The following LRRC4C variants were observed in gnomAD, a reference collection of about 807,000 sequenced individuals.
The protein encoded by LRRC4C is leucine-rich repeat-containing protein 4C.
Under a neutral mutation model 33.6 loss-of-function variants are expected in LRRC4C, and 5 were observed. The ratio of observed to expected loss-of-function variants is 0.15; its 90% CI spans 0.08 to 0.31. The LOEUF (loss-of-function observed/expected upper bound fraction) is 0.31. LRRC4C is among the 10% of genes least tolerant of loss of function. The pLI, the probability that LRRC4C is intolerant of heterozygous loss-of-function variation, is 1.00. For missense variants in LRRC4C, 560 were observed against 796.7 expected (o/e 0.70, Z 3.58); for synonymous variants, 329 against 302.0 (o/e 1.09, Z -0.93).
chr11:41,298,875 A>T (rs1360433068), intron 1 of LRRC4C, among the ~76,000 whole-genome samples: 1 of 152,036 alleles, frequency 6.6e-6, no homozygotes, highest in South Asian at 2.1e-4. Flanking sequence ...GCTATCATTT[A>T]TAAGTGAGAA....
chr11:40,968,362 G>C (rs10837535), intron 1 of LRRC4C, among the ~76,000 whole-genome samples: 1 of 151,966 alleles, frequency 6.6e-6, no homozygotes, highest in African/African-American at 2.4e-5. Context: ...AGCAGCAAGC[G>C]CTAATGTAGA....
At chr11:40,355,938 A>AGTATAGTATT (rs1947638480) in intron 3 of LRRC4C, among the ~76,000 whole-genome samples, 1 of 121,498 alleles carries the variant, frequency 8.2e-6, no homozygotes, top group South Asian at 2.7e-4. Context: ...TTACATTCAT[A>AGTATAGTATT]GTATAGTATA....
intron 2 of LRRC4C, among the ~76,000 whole-genome samples, chr11:40,666,901 A>C (rs1402971791): frequency 6.6e-6 from 1 of 152,198 alleles, no homozygotes; most frequent in Non-Finnish European, 1.5e-5. Context: ...TATTTGTGAA[A>C]GATAACTCCA....
At chr11:40,724,091 C>T (rs1310756551) in intron 2 of LRRC4C, among the ~76,000 whole-genome samples, 2 of 151,932 alleles carry the variant, frequency 1.3e-5, no homozygotes, top group East Asian at 1.9e-4. Context: ...CAACCAATAT[C>T]GGAGCACCCA....
chr11:40,464,504 G>C (rs997444111), intron 3 of LRRC4C, among the ~76,000 whole-genome samples: 2 of 151,890 alleles, frequency 1.3e-5, no homozygotes, highest in Non-Finnish European at 2.9e-5. Context: ...AGATATAAAA[G>C]GCATTCAAAT....
At chr11:41,336,754 A>T (rs1951468279) in intron 1 of LRRC4C, among the ~76,000 whole-genome samples, 1 of 152,206 alleles carries the variant, frequency 6.6e-6, no homozygotes, top group Non-Finnish European at 1.5e-5. Flanking sequence ...TGATCTTCAG[A>T]GGTATAGGAC....
At chr11:41,320,123 A>G (rs964765190) in intron 1 of LRRC4C, among the ~76,000 whole-genome samples, 2 of 152,200 alleles carry the variant, frequency 1.3e-5, no homozygotes, top group Non-Finnish European at 2.9e-5. Context: ...AATTGAGAAT[A>G]TAAATAGAAT....
chr11:40,741,562 C>A (rs1285785257), intron 2 of LRRC4C, among the ~76,000 whole-genome samples: 2 of 152,184 alleles, frequency 1.3e-5, no homozygotes, highest in Admixed American at 6.6e-5. Context: ...GCCTCCCTAA[C>A]TTTTCCATTT....
chr11:41,217,809 T>C (rs949480002), intron 1 of LRRC4C, among the ~76,000 whole-genome samples: 2 of 151,976 alleles, frequency 1.3e-5, no homozygotes, highest in African/African-American at 4.9e-5. Flanking sequence ...TAAATTGATG[T>C]AGCAATATTG....
At chr11:40,341,946 C>T (rs11827273) in intron 3 of LRRC4C, among the ~76,000 whole-genome samples, 3,661 of 151,326 alleles carry the variant, frequency 0.024, 132 homozygotes, top group African/African-American at 0.084. Context: ...TAAATCATAG[C>T]TCAGTGCTGT....
intron 1 of LRRC4C, among the ~76,000 whole-genome samples, chr11:41,070,600 G>A (rs992745814): frequency 3.3e-5 from 5 of 151,840 alleles, no homozygotes; most frequent in Non-Finnish European, 7.4e-5. Flanking sequence ...TCAAAAAGTG[G>A]GTAAAGGATA....
intron 3 of LRRC4C, among the ~76,000 whole-genome samples, chr11:40,491,598 C>T (rs982248936): frequency 2.0e-5 from 3 of 152,134 alleles, no homozygotes; most frequent in African/African-American, 7.2e-5. Flanking sequence ...TCCTGCCATA[C>T]AGCTCTCTAC....
At chr11:40,584,499 T>C (rs890200386) in intron 3 of LRRC4C, among the ~76,000 whole-genome samples, 2 of 152,000 alleles carry the variant, frequency 1.3e-5, no homozygotes, top group African/African-American at 2.4e-5. Context: ...AAAAATTAGA[T>C]ACAGTTGCCA....
At chr11:40,803,184 C>G (rs544851629) in intron 2 of LRRC4C, among the ~76,000 whole-genome samples, 3 of 152,268 alleles carry the variant, frequency 2.0e-5, no homozygotes, top group Admixed American at 1.3e-4. Flanking sequence ...CATATATTAA[C>G]ATATTTAATT....
At chr11:40,598,175 A>G (rs1346467016) in intron 3 of LRRC4C, among the ~76,000 whole-genome samples, 1 of 152,194 alleles carries the variant, frequency 6.6e-6, no homozygotes, top group Non-Finnish European at 1.5e-5. Context: ...AGAAACTAAG[A>G]AAAGCATCAC....
chr11:41,356,923 T>C (rs1426927248), intron 1 of LRRC4C, among the ~76,000 whole-genome samples: 3 of 152,144 alleles, frequency 2.0e-5, no homozygotes, highest in African/African-American at 7.2e-5. Context: ...CCCTCAAATA[T>C]GTTCTGCTGA....
chr11:40,283,351 T>C (rs1943608734), intron 4 of LRRC4C, among the ~76,000 whole-genome samples: 1 of 152,184 alleles, frequency 6.6e-6, no homozygotes, highest in African/African-American at 2.4e-5. Flanking sequence ...TATAAAATCA[T>C]TTGATTTAAA....
chr11:41,156,651 T>A (rs1264806543), intron 1 of LRRC4C, among the ~76,000 whole-genome samples: 1 of 151,930 alleles, frequency 6.6e-6, no homozygotes, highest in Non-Finnish European at 1.5e-5. Context: ...TAAATTATAT[T>A]GTGTATTAGA....
intron 2 of LRRC4C, among the ~76,000 whole-genome samples, chr11:40,733,573 T>C (rs1217937574): frequency 2.6e-5 from 4 of 152,328 alleles, no homozygotes; most frequent in Non-Finnish European, 5.9e-5. Flanking sequence ...TCCTGAATCA[T>C]ATACTATCTC....
Sources: allele counts gnomAD v4.1 joint callset (sites outside exome capture counted in the v4.1 genomes callset), GRCh38; gene constraint gnomAD v4.1.1; transcripts MANE v1.5; gene names NCBI Gene and HGNC (gene_info 2026-07-23, HGNC 2026-07-21).